ST6GALNAC5: variants seen among roughly 807,000 people sequenced by gnomAD.
The protein encoded by ST6GALNAC5 is alpha-N-acetylgalactosaminide alpha-2,6-sialyltransferase 5.
A neutral mutation model predicts 33.6 loss-of-function variants in ST6GALNAC5; 27 were observed. The observed-to-expected ratio is 0.80, with a 90% CI of 0.59 to 1.11. ST6GALNAC5 has a LOEUF of 1.11. Ranked by LOEUF, ST6GALNAC5 falls within the 50% of genes least tolerant of loss-of-function variation. ST6GALNAC5 has a pLI of 0.00. For missense variants in ST6GALNAC5, 428 were observed against 454.0 expected (o/e 0.94, Z 0.52); for synonymous variants, 194 against 171.2 (o/e 1.13, Z -1.04).
rs922331591 is a variant in ST6GALNAC5, at chr1:76,991,843, A to G, written c.262-52361A>G. On this transcript the variant is annotated intron_variant, in intron 2 of 4. Transcript: ENST00000477717. ...CCTTCTAACTCACGCGTGTGCGCAC[A>G]CACACACACACACACACACACAGAC... Among the ~76,000 whole-genome samples, 730 of 86,262 alleles carry G rather than the reference A, an allele frequency of 8.5e-3. 9 individuals carry two copies. Among genetic ancestry groups the G allele is most frequent in the African/African-American group, 0.067 (684 of 10,222 alleles). 56.6% of individuals were successfully genotyped at this position (86,262 alleles called of 152,430 possible).
intron 2 of ST6GALNAC5, among the ~76,000 whole-genome samples, chr1:76,933,241 C>A (rs1430071112): frequency 6.6e-6 from 1 of 151,944 alleles, no homozygotes; most frequent in African/African-American, 2.4e-5. Flanking sequence ...ATAGTTACTA[C>A]AAAGGTCGAC....
intron 2 of ST6GALNAC5, among the ~76,000 whole-genome samples, chr1:77,037,477 A>C (rs1373577113): frequency 6.6e-6 from 1 of 152,176 alleles, no homozygotes; most frequent in African/African-American, 2.4e-5. Context: ...GGGATCATTC[A>C]TGCCTCAAAA....
chr1:76,899,185 G>A (rs772323808), intron 2 of ST6GALNAC5, among the ~76,000 whole-genome samples: 2 of 152,114 alleles, frequency 1.3e-5, no homozygotes, highest in African/African-American at 2.4e-5. Context: ...TAAATTTTAG[G>A]TCAGGTGAGA....
intron 2 of ST6GALNAC5, among the ~76,000 whole-genome samples, chr1:76,956,822 G>C (rs1335406359): frequency 1.3e-5 from 2 of 152,128 alleles, no homozygotes; most frequent in Non-Finnish European, 2.9e-5. Context: ...ATAGATTTGG[G>C]GAGGAGGGAG....
chr1:76,999,237 A>G (rs937893681), intron 2 of ST6GALNAC5, among the ~76,000 whole-genome samples: 1 of 152,178 alleles, frequency 6.6e-6, no homozygotes, highest in African/African-American at 2.4e-5. Flanking sequence ...TTCTGTAATT[A>G]AAAAAGGGAT....
In ST6GALNAC5 at chr1:77,057,643, C is replaced by T. The variant is rs114374375; in HGVS notation, c.780-5332C>T. Among the ~76,000 whole-genome samples, 753 of 152,220 alleles carry T rather than the reference C, an allele frequency of 4.9e-3. 4 individuals are homozygous for T. The highest frequency in any genetic ancestry group is 0.024 in the East Asian group (122 of 5,168). ...TTTCCTCCGGATATATGGAGGGTAC[C>T]TCTGGAATGAAAGTTTATGACCTGC... is the stretch of plus-strand genomic sequence containing the variant. On this transcript the variant is annotated intron_variant, in intron 4 of 4. Transcript: ENST00000477717.
chr1:77,044,671 G>T (rs1651950728), intron 3 of ST6GALNAC5, 58 bp downstream of exon 3: 1 of 1,505,642 alleles, frequency 6.6e-7, no homozygotes, highest in Non-Finnish European at 8.9e-7. Flanking sequence ...ATCACTGGCT[G>T]ACTCACCCAA....
In ST6GALNAC5 at chr1:77,050,284, C is replaced by G; in HGVS notation, c.698C>G (p.Thr233Ser). The change falls in exon 4 of 5, where the codon ACT becomes AGT. Residue 233 changes from threonine (T) to serine (S), a missense_variant. Thr to Ser is a moderately conservative substitution (Grantham distance 58). Transcript: ENST00000477717. Reference sequence around the variant, plus strand: ...AAGATATCCAACACTTGGCTCAGCACTGGCTGGTTTACAATGACAATTGCA... The same window carrying G: ...AAGATATCCAACACTTGGCTCAGCAGTGGCTGGTTTACAATGACAATTGCA... ...DRKISNTWLSTGWFTMTIALE... is the reference protein window; with the variant it reads ...DRKISNTWLSSGWFTMTIALE... 6 of 1,614,108 alleles carry G rather than the reference C, an allele frequency of 3.7e-6. No homozygotes were observed. Among genetic ancestry groups the G allele is most frequent in the Non-Finnish European group, 3.4e-6 (4 of 1,179,940 alleles).
chr1:76,878,919 T>TATGCC (rs1479274300), intron 2 of ST6GALNAC5, among the ~76,000 whole-genome samples: 1 of 152,176 alleles, frequency 6.6e-6, no homozygotes, highest in Non-Finnish European at 1.5e-5. Context: ...TTAAGGTAGC[T>TATGCC]ATGCCCACCT....
chr1:76,883,977 G>T (rs1653839927), intron 2 of ST6GALNAC5, among the ~76,000 whole-genome samples: 1 of 152,194 alleles, frequency 6.6e-6, no homozygotes, highest in Non-Finnish European at 1.5e-5. Flanking sequence ...CATTGAGGAA[G>T]TCTTTAAAAG....
At chr1:76,974,071 G>A (rs1223117019) in intron 2 of ST6GALNAC5, among the ~76,000 whole-genome samples, 2 of 151,934 alleles carry the variant, frequency 1.3e-5, no homozygotes, top group Non-Finnish European at 2.9e-5. Flanking sequence ...ACACTAAAAT[G>A]CCATGTGCCA....
intron 2 of ST6GALNAC5, among the ~76,000 whole-genome samples, chr1:76,882,220 A>G (rs1017158435): frequency 1.3e-5 from 2 of 152,196 alleles, no homozygotes; most frequent in Admixed American, 1.3e-4. Flanking sequence ...GTACTAATTA[A>G]TTGAAACAAT....
intron 2 of ST6GALNAC5, among the ~76,000 whole-genome samples, chr1:76,973,313 G>A (rs1257736319): frequency 6.6e-6 from 1 of 151,998 alleles, no homozygotes; most frequent in East Asian, 1.9e-4. Flanking sequence ...AAAACCTGAA[G>A]GATGGCCTGG....
intron 2 of ST6GALNAC5, among the ~76,000 whole-genome samples, chr1:76,982,908 AC>A (rs1422108022): frequency 6.6e-6 from 1 of 151,974 alleles, no homozygotes; most frequent in African/African-American, 2.4e-5. Flanking sequence ...ATCCAGCCAA[AC>A]AAAGCTTCAT....
At chr1:76,902,640 C>T (rs759681313) in intron 2 of ST6GALNAC5, among the ~76,000 whole-genome samples, 5 of 152,076 alleles carry the variant, frequency 3.3e-5, no homozygotes, top group African/African-American at 7.2e-5. Flanking sequence ...AATTTCAAAA[C>T]TTACAATAAA....
intron 2 of ST6GALNAC5, among the ~76,000 whole-genome samples, chr1:77,006,246 C>T (rs1461852530): frequency 6.6e-6 from 1 of 151,894 alleles, no homozygotes; most frequent in Non-Finnish European, 1.5e-5. Context: ...CCTTGACCTC[C>T]TAGGCCCAAG....
intron 2 of ST6GALNAC5, among the ~76,000 whole-genome samples, chr1:77,013,344 CG>C (rs1159398360): frequency 6.6e-6 from 1 of 152,186 alleles, no homozygotes; most frequent in Non-Finnish European, 1.5e-5. Context: ...CATTCAGCCT[CG>C]TTTGTGAAGT....
At chr1:76,874,423 T>C (rs960261916) in intron 2 of ST6GALNAC5, among the ~76,000 whole-genome samples, 8 of 152,176 alleles carry the variant, frequency 5.3e-5, no homozygotes, top group Admixed American at 1.3e-4. Context: ...ATAAAGCTAA[T>C]AGGATATTAT....
At chr1:77,005,480 G>A (rs1166057064) in intron 2 of ST6GALNAC5, among the ~76,000 whole-genome samples, 4 of 152,328 alleles carry the variant, frequency 2.6e-5, no homozygotes, top group Middle Eastern at 3.4e-3. Context: ...GCTGTAGACC[G>A]GAGCTGTTCC....
Sources: allele counts gnomAD v4.1 joint callset (sites outside exome capture counted in the v4.1 genomes callset), GRCh38; gene constraint gnomAD v4.1.1; transcripts MANE v1.5; gene names NCBI Gene and HGNC (gene_info 2026-07-23, HGNC 2026-07-21).